WWOX: variants seen among roughly 807,000 people sequenced by gnomAD.
WWOX encodes the protein WW domain-containing oxidoreductase.
WWOX carries 69 observed loss-of-function variants against 46.2 expected under a neutral mutation model. That is an observed-to-expected ratio of 1.49 (90% CI 1.23 to 1.82). WWOX has a LOEUF of 1.82. WWOX is among the 40% of genes most tolerant of loss of function. WWOX has a pLI of 0.00. For missense variants in WWOX, 919 were observed against 542.6 expected (o/e 1.69, Z -6.89); for synonymous variants, 359 against 202.6 (o/e 1.77, Z -6.56).
intron 8 of WWOX, among the ~76,000 whole-genome samples, chr16:78,454,191 T>G (rs1344333807): frequency 1.3e-5 from 2 of 152,190 alleles, no homozygotes; most frequent in Non-Finnish European, 2.9e-5. Context: ...TTTCAATGTT[T>G]TGGATGACTT....
intron 8 of WWOX, among the ~76,000 whole-genome samples, chr16:78,824,503 T>G (rs1261661150): frequency 6.6e-6 from 1 of 152,110 alleles, no homozygotes; most frequent in African/African-American, 2.4e-5. Context: ...CTGTATTAGT[T>G]TGTTTTTCAC....
intron 8 of WWOX, among the ~76,000 whole-genome samples, chr16:78,908,920 G>A (rs898012285): frequency 3.3e-5 from 5 of 152,196 alleles, no homozygotes; most frequent in African/African-American, 9.6e-5. Flanking sequence ...TGCAGCCTCC[G>A]GCAGCATGAC....
intron 8 of WWOX, among the ~76,000 whole-genome samples, chr16:79,098,233 G>T (rs1216777566): frequency 2.0e-5 from 3 of 152,198 alleles, no homozygotes; most frequent in Admixed American, 6.5e-5. Context: ...ATTGAATCCA[G>T]AAGCTCTAAG....
intron 8 of WWOX, among the ~76,000 whole-genome samples, chr16:78,697,869 AC>A (rs2142285780): frequency 6.6e-6 from 1 of 152,212 alleles, no homozygotes; most frequent in East Asian, 1.9e-4. Flanking sequence ...AGGTGCAATT[AC>A]CCCTGGCTTA....
intron 8 of WWOX, among the ~76,000 whole-genome samples, chr16:79,179,512 T>C (rs1045340458): frequency 1.2e-4 from 18 of 152,340 alleles, no homozygotes; most frequent in African/African-American, 4.1e-4. Context: ...TTCATGCTTT[T>C]GTTTTTGTTT....
In WWOX at chr16:78,966,334, T is replaced by G. The variant is rs140899553; in HGVS notation, c.1057-245274T>G. Among the ~76,000 whole-genome samples, 905 of 152,298 alleles carry G rather than the reference T, an allele frequency of 5.9e-3. 8 individuals carry two copies. Among genetic ancestry groups the G allele is most frequent in the African/African-American group, 0.021 (873 of 41,552 alleles). On this transcript the variant is annotated intron_variant, in intron 8 of 8. Coordinates refer to ENST00000566780, the MANE Select transcript of WWOX (RefSeq NM_016373.4). ...AACCAAATGGAAAACAGTGCTTCTT[T>G]CCGTTTACTGTACACCCCCTATCCT...
rs530963161 is a variant in WWOX at position 79,023,174 on chromosome 16, C to A, written c.1057-188434C>A. ...CATTAGATATATGCACACACTTGAC[C>A]TAATGGAAAGCTTGAAAGCAATTGG... On this transcript the variant is annotated intron_variant, in intron 8 of 8. Transcript: ENST00000566780. Among the ~76,000 whole-genome samples, 4 of 152,276 alleles carry A rather than the reference C, an allele frequency of 2.6e-5. No homozygotes were observed. The South Asian group carries it at 8.3e-4, about 32-fold the overall frequency.
At chr16:78,783,814 A>G (rs1195795117) in intron 8 of WWOX, among the ~76,000 whole-genome samples, 1 of 149,084 alleles carries the variant, frequency 6.7e-6, no homozygotes, top group African/African-American at 2.4e-5. Flanking sequence ...GGTGATGATG[A>G]TGGTGATAAG....
chr16:78,439,965 A>G (rs2083409865), intron 8 of WWOX, among the ~76,000 whole-genome samples: 1 of 152,150 alleles, frequency 6.6e-6, no homozygotes, highest in African/African-American at 2.4e-5. Flanking sequence ...TCTGCTTCAG[A>G]ACTGTCCTCC....
At chr16:78,291,079 T>A (rs867968861) in intron 5 of WWOX, among the ~76,000 whole-genome samples, 12 of 152,318 alleles carry the variant, frequency 7.9e-5, no homozygotes, top group African/African-American at 2.4e-4. Context: ...GCACTTTCTC[T>A]CTCTCTTTCT....
intron 6 of WWOX, among the ~76,000 whole-genome samples, chr16:78,397,462 A>G (rs987669100): frequency 5.3e-5 from 8 of 152,182 alleles, no homozygotes; most frequent in African/African-American, 1.9e-4. Context: ...CATTTTACAG[A>G]CTAAGAAATT....
At chr16:78,142,571 G>A (rs769404897) in intron 4 of WWOX, among the ~76,000 whole-genome samples, 1 of 152,178 alleles carries the variant, frequency 6.6e-6, no homozygotes, top group Non-Finnish European at 1.5e-5. Flanking sequence ...GCATCGTCTT[G>A]TGCAAGTGTT....
At chr16:78,809,961 C>T (rs1597650323) in intron 8 of WWOX, among the ~76,000 whole-genome samples, 4 of 152,300 alleles carry the variant, frequency 2.6e-5, no homozygotes, top group Admixed American at 2.6e-4. Context: ...CCCTTGGTAT[C>T]CTGTTCATCT....
chr16:79,096,213 A>T (rs1291000135), intron 8 of WWOX, among the ~76,000 whole-genome samples: 1 of 151,482 alleles, frequency 6.6e-6, no homozygotes, highest in Non-Finnish European at 1.5e-5. Flanking sequence ...CCATGTTGGG[A>T]CCCTTTCAGT....
intron 8 of WWOX, among the ~76,000 whole-genome samples, chr16:78,701,244 C>G (rs1038443094): frequency 3.9e-5 from 6 of 152,062 alleles, no homozygotes; most frequent in African/African-American, 1.2e-4. Context: ...ATGTAAAGAA[C>G]TAGGGATATC....
At chr16:78,498,018 T>C (rs1028730838) in intron 8 of WWOX, among the ~76,000 whole-genome samples, 5 of 151,968 alleles carry the variant, frequency 3.3e-5, no homozygotes, top group African/African-American at 4.8e-5. Context: ...CTGGCTAACA[T>C]GGTGAAATGC....
At chr16:78,952,415 C>G (rs578081650) in intron 8 of WWOX, among the ~76,000 whole-genome samples, 2 of 149,852 alleles carry the variant, frequency 1.3e-5, no homozygotes, top group Non-Finnish European at 3.0e-5. Flanking sequence ...AAAAGTCTCG[C>G]TCTGTCCCCC....
intron 8 of WWOX, among the ~76,000 whole-genome samples, chr16:79,174,168 T>G (rs983240815): frequency 6.6e-6 from 1 of 152,200 alleles, no homozygotes; most frequent in Admixed American, 6.5e-5. Flanking sequence ...GGACACGTAT[T>G]GTAGACAGGT....
intron 8 of WWOX, among the ~76,000 whole-genome samples, chr16:79,114,544 A>G (rs1483388742): frequency 6.6e-6 from 1 of 151,952 alleles, no homozygotes; most frequent in Admixed American, 6.6e-5. Flanking sequence ...ATCCACCACC[A>G]GGAGCTGGAA....
Sources: allele counts gnomAD v4.1 joint callset (sites outside exome capture counted in the v4.1 genomes callset), GRCh38; gene constraint gnomAD v4.1.1; transcripts MANE v1.5; gene names NCBI Gene and HGNC (gene_info 2026-07-23, HGNC 2026-07-21).